Variants in CSMD1 observed in about 807,000 individuals in gnomAD.
CSMD1 encodes the protein CUB and Sushi multiple domains 1.
CSMD1 carries 213 observed loss-of-function variants against 417.5 expected under a neutral mutation model. That is an observed-to-expected ratio of 0.51 (90% confidence interval 0.46 to 0.57). CSMD1 has a LOEUF of 0.57. Ranked by LOEUF, CSMD1 falls within the 20% of genes least tolerant of loss-of-function variation. CSMD1 has a pLI of 0.00. For missense variants in CSMD1, 6,923 were observed against 4,529.7 expected (o/e 1.53, Z -15.17); for synonymous variants, 2,862 against 1,736.8 (o/e 1.65, Z -16.11).
At chr8:4,788,994 G>A (rs1379336528) in intron 1 of CSMD1, among the ~76,000 whole-genome samples, 1 of 152,040 alleles carries the variant, frequency 6.6e-6, no homozygotes, top group Non-Finnish European at 1.5e-5. Context: ...TTCATGGTTA[G>A]GACTCTCAGC....
At chr8:3,915,985 A>G (rs1203380631) in intron 5 of CSMD1, among the ~76,000 whole-genome samples, 1 of 151,752 alleles carries the variant, frequency 6.6e-6, no homozygotes, top group Non-Finnish European at 1.5e-5. Flanking sequence ...AGTGAGATTC[A>G]TAAGATTGAT....
rs189588694 is a variant in CSMD1 at position 4,161,087 on chromosome 8, G to C, written c.416-128988C>G. Among the ~76,000 whole-genome samples, 349 of 150,568 alleles carry C rather than the reference G, an allele frequency of 2.3e-3. 3 individuals carry two copies. The highest frequency in any genetic ancestry group is 8.2e-3 in the African/African-American group (335 of 41,036). ...TTTGCAGGAAATGTAAATAATGTAA[G>C]AGATACATTTCCAGGAAATATAAAC... On this transcript the variant is annotated intron_variant, in intron 3 of 69. Coordinates refer to ENST00000635120, the MANE Select transcript of CSMD1 (RefSeq NM_033225.6).
intron 11 of CSMD1, among the ~76,000 whole-genome samples, chr8:3,486,497 T>C (rs904225241): frequency 6.6e-6 from 1 of 152,220 alleles, no homozygotes; most frequent in Non-Finnish European, 1.5e-5. Context: ...CCTGGGTCTT[T>C]TGGGTCTGTA....
At chr8:3,759,279 G>A (rs1052469773) in intron 5 of CSMD1, among the ~76,000 whole-genome samples, 3 of 152,118 alleles carry the variant, frequency 2.0e-5, no homozygotes, top group Admixed American at 6.5e-5. Flanking sequence ...AATACGGCCT[G>A]TTAATCAGAA....
intron 1 of CSMD1, among the ~76,000 whole-genome samples, chr8:4,912,792 T>C (rs952596963): frequency 1.6e-5 from 2 of 121,512 alleles, no homozygotes; most frequent in Non-Finnish European, 3.5e-5. Flanking sequence ...CAGCTATTTT[T>C]TTTGGAGGGG....
At chr8:4,572,357 A>C (rs990867851) in intron 2 of CSMD1, among the ~76,000 whole-genome samples, 3 of 152,136 alleles carry the variant, frequency 2.0e-5, no homozygotes, top group Admixed American at 2.0e-4. Context: ...GGAGGATTTT[A>C]TTTCTCCTTC....
intron 7 of CSMD1, among the ~76,000 whole-genome samples, chr8:3,638,968 A>G (rs1797177237): frequency 6.6e-6 from 1 of 152,222 alleles, no homozygotes; most frequent in Non-Finnish European, 1.5e-5. Flanking sequence ...AATTATTTCA[A>G]ATAAGAGAAA....
chr8:3,837,272 T>C (rs1802773522), intron 5 of CSMD1, among the ~76,000 whole-genome samples: 1 of 152,178 alleles, frequency 6.6e-6, no homozygotes, highest in African/African-American at 2.4e-5. Flanking sequence ...ATCATTTTAT[T>C]AGATAGATGA....
chr8:4,360,964 T>C (rs530910857), intron 3 of CSMD1, among the ~76,000 whole-genome samples: 15 of 152,320 alleles, frequency 9.8e-5, no homozygotes, highest in African/African-American at 1.2e-4. Context: ...TGAGGAATAC[T>C]TGACTGACAG....
intron 1 of CSMD1, among the ~76,000 whole-genome samples, chr8:4,838,300 T>A (rs917081897): frequency 3.9e-5 from 6 of 152,206 alleles, no homozygotes; most frequent in Admixed American, 2.0e-4. Context: ...GTCACTGTGC[T>A]AACGTAAGCG....
At chr8:3,876,983 G>C (rs972583725) in intron 5 of CSMD1, among the ~76,000 whole-genome samples, 27 of 152,178 alleles carry the variant, frequency 1.8e-4, no homozygotes, top group Admixed American at 1.5e-3. Context: ...TCATAACACA[G>C]ATCTCAAGCA....
At chr8:4,595,070 G>A (rs1020344716) in intron 2 of CSMD1, among the ~76,000 whole-genome samples, 1 of 152,128 alleles carries the variant, frequency 6.6e-6, no homozygotes, top group Non-Finnish European at 1.5e-5. Context: ...AAACATAGGT[G>A]TGCCTTTTTT....
chr8:4,862,833 T>G (rs1397497096), intron 1 of CSMD1, among the ~76,000 whole-genome samples: 1 of 151,918 alleles, frequency 6.6e-6, no homozygotes, highest in African/African-American at 2.4e-5. Flanking sequence ...GTTGAAGACC[T>G]CCCAAGTGTG....
intron 2 of CSMD1, among the ~76,000 whole-genome samples, chr8:4,564,046 G>C (rs772703855): frequency 6.6e-6 from 1 of 152,158 alleles, no homozygotes; most frequent in African/African-American, 2.4e-5. Context: ...CCCAGTTAGC[G>C]AACATTCCTA....
intron 50 of CSMD1, among the ~76,000 whole-genome samples, chr8:3,030,919 A>G (rs901886543): frequency 1.3e-5 from 2 of 152,068 alleles, no homozygotes; most frequent in South Asian, 4.1e-4. Context: ...GCTCTTTTTG[A>G]TATCATCACA....
intron 27 of CSMD1, among the ~76,000 whole-genome samples, chr8:3,226,939 A>T (rs1228200067): frequency 6.9e-6 from 1 of 143,994 alleles, no homozygotes; most frequent in Non-Finnish European, 1.5e-5. Flanking sequence ...AGCATATGAA[A>T]AAAAAAAGTT....
At chr8:3,367,726 A>T (rs369840703) in intron 19 of CSMD1, among the ~76,000 whole-genome samples, 3 of 152,212 alleles carry the variant, frequency 2.0e-5, no homozygotes, top group Admixed American at 2.0e-4. Context: ...GTGGACATCA[A>T]TATTGAGGAA....
chr8:4,281,143 G>A (rs62478568), intron 3 of CSMD1, among the ~76,000 whole-genome samples: 13,327 of 152,122 alleles, frequency 0.088, 785 homozygotes, highest in Non-Finnish European at 0.13. Flanking sequence ...CTCAGCCCTC[G>A]GGAGCACCTG....
intron 1 of CSMD1, among the ~76,000 whole-genome samples, chr8:4,905,292 A>C (rs1379844941): frequency 6.6e-6 from 1 of 152,180 alleles, no homozygotes; most frequent in Non-Finnish European, 1.5e-5. Context: ...TAGGGTGCCC[A>C]GAGTCTAATG....
Sources: gnomAD v4.1 joint callset for allele counts (sites outside exome capture counted in the v4.1 genomes callset) on GRCh38, gnomAD v4.1.1 for gene constraint, MANE v1.5 for transcripts, NCBI Gene and HGNC (gene_info 2026-07-23, HGNC 2026-07-21) for gene names.